CD99: variants seen among roughly 807,000 people sequenced by gnomAD.
CD99 encodes the protein CD99 molecule (Xg blood group), also known as CD99 antigen.
Under a neutral mutation model 28.4 loss-of-function variants are expected in CD99, and 19 were observed. The observed-to-expected ratio is 0.67, with a 90% CI of 0.47 to 0.98. The LOEUF (loss-of-function observed/expected upper bound fraction) is 0.98. CD99 is among the 50% of genes least tolerant of loss of function. The pLI is 0.00. For synonymous variants in CD99, 103 were observed against 92.1 expected (o/e 1.12, Z -0.67); for missense variants, 283 against 248.8 (o/e 1.14, Z -0.92).
intron 1 of CD99, among the ~76,000 whole-genome samples, chrX:2,695,637 C>CTTT (rs773294263): frequency 1.1e-3 from 153 of 141,570 alleles, no homozygotes; most frequent in Non-Finnish European, 1.7e-3. Flanking sequence ...AAAAAAAAGT[C>CTTT]TTTTTTTTTT....
intron 1 of CD99, among the ~76,000 whole-genome samples, chrX:2,710,903 C>G (rs1270977693): frequency 6.9e-6 from 1 of 144,680 alleles, no homozygotes; most frequent in Non-Finnish European, 1.5e-5. Context: ...TGGAGTCTCC[C>G]TCTGTCACCC....
At chrX:2,733,669 A>G in intron 8 of CD99, 1 of 501,848 alleles carries the variant, frequency 2.0e-6, no homozygotes, top group Non-Finnish European at 3.5e-6. Context: ...TAACAGAAAC[A>G]GGGCAGTGAC....
At chrX:2,718,515 G>A (rs2048846986) in intron 3 of CD99, among the ~76,000 whole-genome samples, 1 of 152,036 alleles carries the variant, frequency 6.6e-6, no homozygotes, top group African/African-American at 2.4e-5. Context: ...ACTACAGGCA[G>A]CGGCCACCAC....
intron 1 of CD99, among the ~76,000 whole-genome samples, chrX:2,694,623 A>G (rs1418076689): frequency 1.3e-5 from 2 of 151,962 alleles, no homozygotes; most frequent in Non-Finnish European, 2.9e-5. Context: ...CGTGGTGGTG[A>G]GCGCCTATAA....
intron 1 of CD99, among the ~76,000 whole-genome samples, chrX:2,710,572 C>G (rs1008536764): frequency 2.3e-4 from 34 of 149,590 alleles, no homozygotes; most frequent in African/African-American, 8.4e-4. Context: ...GTTCTGTCTG[C>G]TTATTATTAA....
At chrX:2,691,643 A>G (rs1266031802) in intron 1 of CD99, 2 of 712,080 alleles carry the variant, frequency 2.8e-6, no homozygotes, top group Non-Finnish European at 5.1e-6. Flanking sequence ...GAGAAAAGTC[A>G]GCGTTTGTTG....
chrX:2,728,989 C>G (rs937927896), intron 8 of CD99, among the ~76,000 whole-genome samples: 42 of 152,222 alleles, frequency 2.8e-4, no homozygotes, highest in African/African-American at 9.9e-4. Context: ...CATCACCACA[C>G]CCGGCTAATT....
intron 1 of CD99, 21 bp downstream of exon 1, chrX:2,691,448 G>A (rs780506476): frequency 6.3e-7 from 1 of 1,577,740 alleles, no homozygotes; most frequent in Non-Finnish European, 8.5e-7. Flanking sequence ...GGAGGGATCC[G>A]GGTTGGGGGA....
intron 4 of CD99, 38 bp downstream of exon 4, chrX:2,719,743 G>C (rs1163287576): frequency 6.3e-7 from 1 of 1,578,916 alleles, no homozygotes; most frequent in African/African-American, 1.3e-5. Context: ...CTGCTGATCT[G>C]CTTATTATCA....
intron 1 of CD99, chrX:2,692,026 GCAGA>G (rs1197658636): frequency 1.5e-6 from 1 of 680,120 alleles, no homozygotes; most frequent in East Asian, 2.6e-5. Flanking sequence ...AACACGGGGC[GCAGA>G]AAGAAACGTG....
At chrX:2,695,111 C>T (rs1035765027) in intron 1 of CD99, among the ~76,000 whole-genome samples, 2 of 152,054 alleles carry the variant, frequency 1.3e-5, no homozygotes, top group African/African-American at 4.8e-5. Context: ...GTTCTGAGCA[C>T]TCTTGTTACT....
intron 1 of CD99, chrX:2,692,292 A>G (rs1461863731): frequency 2.4e-5 from 6 of 251,008 alleles, no homozygotes; most frequent in Non-Finnish European, 4.7e-5. Flanking sequence ...TGCTCTTCGT[A>G]TGGGCAGGCT....
chrX:2,693,458 C>G (rs310137), intron 1 of CD99, among the ~76,000 whole-genome samples: 17,360 of 152,030 alleles, frequency 0.11, 1,405 homozygotes, highest in African/African-American at 0.22. Flanking sequence ...AGGGACGCTT[C>G]TCACCCCTTC....
chrX:2,702,922 C>T (rs1015007010), intron 1 of CD99, among the ~76,000 whole-genome samples: 87 of 152,200 alleles, frequency 5.7e-4, no homozygotes, highest in Non-Finnish European at 3.1e-4. Flanking sequence ...GCTGGGATTA[C>T]AGGCATGGGA....
chrX:2,741,099 A>G lies in CD99; in HGVS notation c.*295A>G. On this transcript the variant is annotated 3_prime_UTR_variant, in exon 10 of 10. Transcript: ENST00000381192. The stretch of plus-strand genomic sequence containing the variant: ...CCATTATTAAGTCCCTGTAACTCAA[A>G]TGTCAACCCCACCGAGGCACCCCCC... The G allele has an allele frequency of 2.2e-6, 1 of 446,770 alleles. No homozygotes were observed. The highest frequency in any genetic ancestry group is 4.6e-5 in the South Asian group (1 of 21,644). The allele number at this position is 446,770 out of a possible 1,614,324, so 27.7% of individuals were successfully genotyped here. A position where few individuals can be genotyped will look rare whatever the true frequency, so the allele number is the denominator to read the frequency against.
chrX:2,702,019 A>C (rs930819059), intron 1 of CD99, among the ~76,000 whole-genome samples: 5 of 152,206 alleles, frequency 3.3e-5, no homozygotes, highest in Non-Finnish European at 7.3e-5. Context: ...TAGCCTGGGC[A>C]TCAGGACTTA....
At chrX:2,700,719 C>T (rs991796180) in intron 1 of CD99, among the ~76,000 whole-genome samples, 5 of 152,038 alleles carry the variant, frequency 3.3e-5, no homozygotes, top group Non-Finnish European at 7.4e-5. Context: ...ATTGATACAT[C>T]CATCTGTCCA....
At chrX:2,703,539 C>T (rs761104008) in intron 1 of CD99, among the ~76,000 whole-genome samples, 230 of 151,844 alleles carry the variant, frequency 1.5e-3, no homozygotes, top group African/African-American at 5.3e-3. Flanking sequence ...ATTCAGTGTT[C>T]GCTGAGACTT....
intron 1 of CD99, among the ~76,000 whole-genome samples, chrX:2,709,788 C>G (rs311060): frequency 0.25 from 38,105 of 152,068 alleles, 4,993 homozygotes; most frequent in African/African-American, 0.31. Context: ...GGAAAAAATC[C>G]AAAATGTGGC....
Sources: gnomAD v4.1 joint callset for allele counts (sites outside exome capture counted in the v4.1 genomes callset) on GRCh38, gnomAD v4.1.1 for gene constraint, MANE v1.5 for transcripts, NCBI Gene and HGNC (gene_info 2026-07-23, HGNC 2026-07-21) for gene names.